Variants in FMO5 observed in about 807,000 individuals in gnomAD.
FMO5 encodes the protein flavin containing dimethylaniline monoxygenase 5.
Under a neutral mutation model 43.6 loss-of-function variants are expected in FMO5, and 51 were observed. That is an observed-to-expected ratio of 1.17 (90% CI 0.93 to 1.48). The LOEUF (loss-of-function observed/expected upper bound fraction) is 1.48. Among genes scored for constraint, FMO5 ranks in the 40% most tolerant of loss-of-function variants. The pLI is 0.00. For missense variants in FMO5, 644 were observed against 643.0 expected (o/e 1.00, Z -0.02); for synonymous variants, 187 against 216.5 (o/e 0.86, Z 1.20).
Position 147,214,173 on chromosome 1 carries a change from C to T in FMO5, c.325-703G>A, listed in dbSNP as rs183469682. 6.0e-4 allele frequency among the ~76,000 whole-genome samples: 92 copies of T among 152,214 alleles called. 1 individual carries two copies. The highest frequency in any genetic ancestry group is 2.3e-3 in the South Asian group (11 of 4,822). Reference sequence around the variant, plus strand: ...GGACTAATAGAGACACCATCCCGGCCGGGTGCGGTGGCTCACGCATGTAAT... The same window carrying T: ...GGACTAATAGAGACACCATCCCGGCTGGGTGCGGTGGCTCACGCATGTAAT... On this transcript the variant is annotated intron_variant, in intron 3 of 8. Transcript: ENST00000254090.
At chr1:147,204,383 C>CAAT in intron 6 of FMO5, 1 of 1,063,582 alleles carries the variant, frequency 9.4e-7, no homozygotes, top group Admixed American at 1.7e-5. Flanking sequence ...CATGCCTGAA[C>CAAT]AATAAGCTTG....
intron 2 of FMO5, chr1:147,223,979 A>G (rs956751916): frequency 2.4e-5 from 10 of 410,898 alleles, no homozygotes; most frequent in African/African-American, 2.1e-4. Flanking sequence ...GGTTAACACA[A>G]TCACCACCTT....
intron 2 of FMO5, chr1:147,223,723 G>GC: frequency 5.0e-6 from 1 of 199,378 alleles, no homozygotes; most frequent in Non-Finnish European, 1.0e-5. Context: ...TTGTCAGATG[G>GC]CCCCCCTATA....
At chr1:147,207,818 T>G (rs1471772407) in intron 6 of FMO5, among the ~76,000 whole-genome samples, 11 of 152,160 alleles carry the variant, frequency 7.2e-5, no homozygotes, top group African/African-American at 2.2e-4. Context: ...ACCCATTCGC[T>G]CTGAAGTATG....
chr1:147,187,531 G>A (rs1198469482), intron 8 of FMO5, among the ~76,000 whole-genome samples: 1 of 152,162 alleles, frequency 6.6e-6, no homozygotes, highest in Non-Finnish European at 1.5e-5. Context: ...GTTCTTGAAG[G>A]ATGTGAAAGA....
chr1:147,189,758 G>T (rs12046706), intron 8 of FMO5, among the ~76,000 whole-genome samples: 43,851 of 151,876 alleles, frequency 0.29, 6,518 homozygotes, highest in African/African-American at 0.37. Flanking sequence ...CCAGCAAAGC[G>T]GCCACTGCAG....
chr1:147,198,368 C>T (rs72708583), intron 7 of FMO5, among the ~76,000 whole-genome samples: 5,610 of 152,052 alleles, frequency 0.037, 155 homozygotes, highest in South Asian at 0.095. Context: ...CACTATATTA[C>T]AAAGGGAGGG....
chr1:147,223,378 G>T (rs1333790746), intron 2 of FMO5, among the ~76,000 whole-genome samples: 3 of 152,188 alleles, frequency 2.0e-5, no homozygotes, highest in African/African-American at 7.2e-5. Flanking sequence ...GGTGCAAAAG[G>T]ATTGTATTTC....
downstream of FMO5, chr1:147,184,465 TC>T: frequency 6.9e-7 from 1 of 1,459,240 alleles, no homozygotes. This position sits in a 1 kb window ranked among gnomAD's most constrained non-coding sequence, Gnocchi z 4.4. Flanking sequence ...CAGGAGTCCA[TC>T]CAGGATACTA....
chr1:147,222,708 C>A (rs782344366), intron 2 of FMO5, among the ~76,000 whole-genome samples: 11 of 152,162 alleles, frequency 7.2e-5, no homozygotes, highest in Non-Finnish European at 1.5e-4. Flanking sequence ...TTCAAGGAAG[C>A]AGTTTACAAA....
chr1:147,208,796 A>T, intron 6 of FMO5, 56 bp downstream of exon 6: 1 of 1,429,990 alleles, frequency 7.0e-7, no homozygotes, highest in Non-Finnish European at 9.9e-7. Context: ...CAGTGTGAAG[A>T]GTCCTTATTC....
chr1:147,191,334 C>T (rs1656752402), intron 7 of FMO5, among the ~76,000 whole-genome samples: 1 of 152,146 alleles, frequency 6.6e-6, no homozygotes, highest in South Asian at 2.1e-4. Context: ...TCCACATCCT[C>T]TCCAGCACCT....
Position 147,187,200 on chromosome 1 carries a change from A to T in FMO5, c.1302T>A (p.Asp434Glu). The T allele has an allele frequency of 6.2e-7, 1 of 1,614,046 alleles. No homozygotes were observed. Among genetic ancestry groups the T allele is most frequent in the Non-Finnish European group, 8.5e-7 (1 of 1,179,970 alleles). ...CCAAATCAGCAAGCTCTTCCATGGT[A>T]TCTATGTAGTCTCCCTGAATGGTAT... is the stretch of plus-strand genomic sequence containing the variant. ...QRHTIQGDYI[D>E]TMEELADLVG... Residue 434 changes from aspartate to glutamate, a missense_variant, in exon 9 of 9, where the codon GAT (aspartate) becomes GAA (glutamate). Coordinates refer to ENST00000254090, the MANE Select transcript of FMO5 (RefSeq NM_001461.4).
intron 7 of FMO5, among the ~76,000 whole-genome samples, chr1:147,193,520 GA>G (rs1417628826): frequency 6.6e-6 from 1 of 152,022 alleles, no homozygotes; most frequent in Admixed American, 6.5e-5. Flanking sequence ...GTTCTGCTCT[GA>G]TTTTAGTTAT....
intron 2 of FMO5, among the ~76,000 whole-genome samples, chr1:147,222,039 A>C (rs587697448): frequency 2.0e-5 from 3 of 152,276 alleles, no homozygotes; most frequent in Admixed American, 2.0e-4. Context: ...TTTCCTACCT[A>C]GGCACAAGGC....
At chr1:147,214,469 A>AC (rs1334428796) in intron 3 of FMO5, among the ~76,000 whole-genome samples, 52 of 147,572 alleles carry the variant, frequency 3.5e-4, no homozygotes, top group South Asian at 1.1e-3. Flanking sequence ...CAAAAAACAA[A>AC]AAAAAAAAGA....
At chr1:147,190,090 A>T (rs1553918114) in intron 8 of FMO5, 87 bp downstream of exon 8, 2 of 842,234 alleles carry the variant, frequency 2.4e-6, no homozygotes, top group African/African-American at 1.7e-5. Flanking sequence ...TTAAGCTAAC[A>T]TGAGGCAGTT....
chr1:147,193,712 G>A (rs1299160178), intron 7 of FMO5, among the ~76,000 whole-genome samples: 1 of 152,080 alleles, frequency 6.6e-6, no homozygotes, highest in African/African-American at 2.4e-5. Context: ...TTGTGTCTTT[G>A]TTCCCATTGG....
At chr1:147,214,348 G>C (rs1661579568) in intron 3 of FMO5, among the ~76,000 whole-genome samples, 2 of 152,024 alleles carry the variant, frequency 1.3e-5, no homozygotes, top group South Asian at 4.2e-4. Flanking sequence ...CTACTCGGGA[G>C]GCTGAGGCGG....
Sources: allele counts gnomAD v4.1 joint callset (sites outside exome capture counted in the v4.1 genomes callset), GRCh38; gene constraint gnomAD v4.1.1; non-coding constraint Gnocchi (gnomAD v3.1); transcripts MANE v1.5; gene names NCBI Gene and HGNC (gene_info 2026-07-23, HGNC 2026-07-21).